ADAMTS19: variants seen among roughly 807,000 people sequenced by gnomAD.
ADAMTS19 encodes ADAM metallopeptidase with thrombospondin type 1 motif 19.
In ADAMTS19, 93 loss-of-function variants were observed where a neutral mutation model predicts 153.3. The observed-to-expected ratio is 0.61, with a 90% CI of 0.51 to 0.72. The LOEUF (loss-of-function observed/expected upper bound fraction) is 0.72, where lower values mean the gene tolerates loss of function less well. ADAMTS19 is among the 30% of genes least tolerant of loss of function. The pLI, the probability that ADAMTS19 is intolerant of heterozygous loss-of-function variation, is 0.00. For synonymous variants in ADAMTS19, 600 were observed against 556.6 expected (o/e 1.08, Z -1.10); for missense variants, 1,482 against 1,552.1 (o/e 0.95, Z 0.76).
Position 129,658,329 on chromosome 5 carries a change from G to GAAAGAAAGAA in ADAMTS19, c.2305-286_2305-277dup, listed in dbSNP as rs879267777. 5.1e-3 allele frequency among the ~76,000 whole-genome samples: 488 copies of GAAAGAAAGAA among 95,950 alleles called. 11 individuals carry two copies. Among genetic ancestry groups the GAAAGAAAGAA allele is most frequent in the Non-Finnish European group, 6.9e-3 (338 of 48,676 alleles). 62.9% of individuals were successfully genotyped at this position (95,950 alleles called of 152,430 possible). The stretch of plus-strand genomic sequence containing the variant: ...AAAGAAAAAGAAAGAAAGAAAGAAA[G>GAAAGAAAGAA]AAAGAAAGAAAGAAAGAAAGAAAGA... On this transcript the variant is annotated intron_variant, in intron 14 of 22. Transcript: ENST00000274487.
intron 7 of ADAMTS19, among the ~76,000 whole-genome samples, chr5:129,556,178 G>T (rs1753305061): frequency 6.6e-6 from 1 of 152,028 alleles, no homozygotes; most frequent in East Asian, 1.9e-4. Context: ...TCAGTAGGTA[G>T]GTATGTAGAT....
chr5:129,643,727 T>C (rs937274233), intron 11 of ADAMTS19, among the ~76,000 whole-genome samples: 10 of 152,328 alleles, frequency 6.6e-5, no homozygotes, highest in African/African-American at 2.4e-4. Context: ...GTTTACAGAC[T>C]GTGCCAAATA....
chr5:129,640,207 A>C (rs536807594), intron 10 of ADAMTS19, among the ~76,000 whole-genome samples: 1 of 152,128 alleles, frequency 6.6e-6, no homozygotes, highest in Non-Finnish European at 1.5e-5. Flanking sequence ...ATTTCATTGG[A>C]TCTGTCATTT....
intron 8 of ADAMTS19, among the ~76,000 whole-genome samples, chr5:129,603,180 C>T (rs1206969771): frequency 1.3e-5 from 2 of 152,160 alleles, no homozygotes; most frequent in African/African-American, 4.8e-5. Flanking sequence ...ACAGATCACA[C>T]TCTGAGTAGC....
intron 16 of ADAMTS19, among the ~76,000 whole-genome samples, chr5:129,678,670 A>G (rs900132116): frequency 5.3e-5 from 8 of 152,192 alleles, no homozygotes; most frequent in African/African-American, 1.9e-4. Flanking sequence ...ATCAATTTGA[A>G]ACTGTTTTTC....
In ADAMTS19 at chr5:129,727,974, C is replaced by T. The variant is rs140201651; in HGVS notation, c.3313-6958C>T. Among the ~76,000 whole-genome samples, 16 of 152,236 alleles carry T rather than the reference C, an allele frequency of 1.1e-4. No individual in the cohort carries two copies. The East Asian group carries it at 3.1e-3, about 30-fold the overall frequency. ...TGAGATGGGAGGTGGGCACAAGATA[C>T]TGGTCACAAAGACCTTGCTGATAAA... On this transcript the variant is annotated intron_variant, in intron 21 of 22. Transcript: ENST00000274487.
chr5:129,716,573 CTT>C (rs35089778), intron 21 of ADAMTS19, among the ~76,000 whole-genome samples: 3 of 137,304 alleles, frequency 2.2e-5, no homozygotes, highest in Non-Finnish European at 3.2e-5. Flanking sequence ...CTTCCAGTTT[CTT>C]TTTTTTTTTT....
chr5:129,621,852 T>C (rs1751791314), intron 9 of ADAMTS19, among the ~76,000 whole-genome samples: 1 of 152,214 alleles, frequency 6.6e-6, no homozygotes, highest in African/African-American at 2.4e-5. Context: ...ATATCTTATA[T>C]TCACATACTA....
At chr5:129,472,923 A>G (rs922725378) in intron 2 of ADAMTS19, among the ~76,000 whole-genome samples, 2 of 151,814 alleles carry the variant, frequency 1.3e-5, no homozygotes, top group Admixed American at 6.6e-5. Context: ...AGATGCGGAT[A>G]AAGGAAGACC....
chr5:129,672,927 T>C (rs1394278834), intron 16 of ADAMTS19, among the ~76,000 whole-genome samples: 1 of 152,142 alleles, frequency 6.6e-6, no homozygotes, highest in East Asian at 1.9e-4. Flanking sequence ...TCAATTTTGG[T>C]AACTGTTATC....
intron 20 of ADAMTS19, 21 bp from the exon 21 acceptor site, chr5:129,704,218 A>G (rs1282451632): frequency 6.2e-7 from 1 of 1,604,298 alleles, no homozygotes; most frequent in Non-Finnish European, 8.5e-7. Flanking sequence ...TTTATCTAAA[A>G]CCTCTGATGT....
chr5:129,686,062 G>T (rs539490764), intron 18 of ADAMTS19, among the ~76,000 whole-genome samples: 12 of 152,316 alleles, frequency 7.9e-5, no homozygotes, highest in African/African-American at 2.9e-4. Context: ...TGAATGAAAT[G>T]GGTATGTGTA....
intron 17 of ADAMTS19, among the ~76,000 whole-genome samples, chr5:129,680,988 C>T (rs535954227): frequency 6.6e-6 from 1 of 152,290 alleles, no homozygotes; most frequent in South Asian, 2.1e-4. Flanking sequence ...TCAGACACTG[C>T]AACACCTCCT....
chr5:129,586,596 T>TA (rs374464152), intron 7 of ADAMTS19, among the ~76,000 whole-genome samples: 2 of 152,340 alleles, frequency 1.3e-5, no homozygotes, highest in East Asian at 3.9e-4. Context: ...CCATTATGAA[T>TA]AAAGCTGCTA....
chr5:129,584,288 C>T (rs1031170104), intron 7 of ADAMTS19, among the ~76,000 whole-genome samples: 10 of 152,152 alleles, frequency 6.6e-5, no homozygotes, highest in African/African-American at 2.4e-4. Context: ...AGAGAGACAC[C>T]CACCAGATAC....
chr5:129,585,365 A>T (rs1749730940), intron 7 of ADAMTS19, among the ~76,000 whole-genome samples: 1 of 151,886 alleles, frequency 6.6e-6, no homozygotes, highest in African/African-American at 2.4e-5. Flanking sequence ...GCAACCCTCC[A>T]GTCTTTTTCT....
chr5:129,543,455 T>C (rs932789991), intron 6 of ADAMTS19, among the ~76,000 whole-genome samples: 2 of 152,208 alleles, frequency 1.3e-5, no homozygotes, highest in African/African-American at 4.8e-5. Flanking sequence ...ATACTGTTTC[T>C]GTTGTCTGGA....
At chr5:129,530,735 A>G (rs1178002546) in intron 6 of ADAMTS19, among the ~76,000 whole-genome samples, 3 of 152,092 alleles carry the variant, frequency 2.0e-5, no homozygotes, top group Non-Finnish European at 4.4e-5. Flanking sequence ...TCTCCTTACA[A>G]CTGAAAGCAA....
At chr5:129,496,407 T>A (rs1172409436) in intron 2 of ADAMTS19, among the ~76,000 whole-genome samples, 1 of 152,134 alleles carries the variant, frequency 6.6e-6, no homozygotes, top group Non-Finnish European at 1.5e-5. Flanking sequence ...GTTGAATACA[T>A]TATTGTATTC....
Sources: gnomAD v4.1 joint callset for allele counts (sites outside exome capture counted in the v4.1 genomes callset) on GRCh38, gnomAD v4.1.1 for gene constraint, MANE v1.5 for transcripts, NCBI Gene and HGNC (gene_info 2026-07-23, HGNC 2026-07-21) for gene names.